Variants in RFC3 observed in about 807,000 individuals in gnomAD.
RFC3 encodes the protein replication factor C subunit 3.
RFC3 carries 41 observed loss-of-function variants against 45.1 expected under a neutral mutation model. The observed-to-expected ratio is 0.91, with a 90% CI of 0.71 to 1.18. The LOEUF (loss-of-function observed/expected upper bound fraction) is 1.18, where lower values mean the gene tolerates loss of function less well. Ranked by LOEUF, RFC3 falls within the 50% of genes most tolerant of loss-of-function variation. The pLI, the probability that RFC3 is intolerant of heterozygous loss-of-function variation, is 0.00. For synonymous variants in RFC3, 149 were observed against 144.0 expected, an observed-to-expected ratio of 1.03 and a Z score of -0.25; for missense variants, 423 against 428.1, an observed-to-expected ratio of 0.99 and a Z score of 0.10.
downstream of RFC3, among the ~76,000 whole-genome samples, chr13:33,837,751 C>T (rs1196547999): frequency 6.6e-6 from 1 of 151,960 alleles, no homozygotes; most frequent in East Asian, 1.9e-4. Context: ...CTTTTTCCCT[C>T]TACTTATTTT....
At chr13:33,835,013 A>G in intron 7 of RFC3, 135 bp from the exon 8 acceptor site, 2 of 560,828 alleles carry the variant, frequency 3.6e-6, no homozygotes, top group South Asian at 5.2e-5. Flanking sequence ...TTGTTAATTC[A>G]TAAAGTTAGG....
At chr13:33,930,521 TG>T (rs1373257173) in intron 8 of RFC3, among the ~76,000 whole-genome samples, 1 of 152,158 alleles carries the variant, frequency 6.6e-6, no homozygotes, top group East Asian at 1.9e-4. Context: ...GCTGATTAGA[TG>T]GTGCCCACCC....
chr13:33,912,609 T>C (rs2082709882), intron 8 of RFC3, among the ~76,000 whole-genome samples: 1 of 152,032 alleles, frequency 6.6e-6, no homozygotes, highest in African/African-American at 2.4e-5. Flanking sequence ...AGGGGATTCA[T>C]TCATCTCTGG....
chr13:33,883,345 T>A (rs2082498289), intron 8 of RFC3, among the ~76,000 whole-genome samples: 1 of 152,210 alleles, frequency 6.6e-6, no homozygotes, highest in Non-Finnish European at 1.5e-5. Flanking sequence ...GTTAGTTTGC[T>A]TTTCCCACTT....
intron 8 of RFC3, among the ~76,000 whole-genome samples, chr13:33,876,434 G>T (rs4943163): frequency 0.88 from 134,453 of 152,262 alleles, 59,734 homozygotes; most frequent in Non-Finnish European, 0.94. Context: ...TTGAGTGGTT[G>T]TATGAAACTC....
At chr13:33,921,289 A>G (rs1184659759) in intron 8 of RFC3, among the ~76,000 whole-genome samples, 1 of 152,144 alleles carries the variant, frequency 6.6e-6, no homozygotes, top group East Asian at 1.9e-4. Context: ...GCTCTGTAGC[A>G]CTTAGTGGCT....
chr13:33,953,753 A>G (rs1047388925), intron 8 of RFC3, among the ~76,000 whole-genome samples: 1 of 152,096 alleles, frequency 6.6e-6, no homozygotes, highest in Non-Finnish European at 1.5e-5. Flanking sequence ...CAGTTCCCTA[A>G]TTTTTCATAC....
intron 8 of RFC3, among the ~76,000 whole-genome samples, chr13:33,949,780 G>A (rs1207853757): frequency 6.6e-6 from 1 of 152,150 alleles, no homozygotes; most frequent in East Asian, 1.9e-4. Flanking sequence ...CCCTAATGGG[G>A]TTGAGCCTCA....
intron 3 of RFC3, among the ~76,000 whole-genome samples, 193 bp downstream of exon 3, chr13:33,824,177 A>G (rs1167360707): frequency 3.3e-5 from 5 of 152,148 alleles, no homozygotes; most frequent in Non-Finnish European, 5.9e-5. Flanking sequence ...CTTCTGTGTC[A>G]AATAATTTCA....
intron 8 of RFC3, among the ~76,000 whole-genome samples, chr13:33,889,675 A>G (rs1566017893): frequency 6.6e-6 from 1 of 152,158 alleles, no homozygotes; most frequent in Non-Finnish European, 1.5e-5. Context: ...GCTGACTATA[A>G]CTTTGCAACC....
chr13:33,876,579 G>C (rs1452742906), intron 8 of RFC3, among the ~76,000 whole-genome samples: 1 of 152,144 alleles, frequency 6.6e-6, no homozygotes, highest in Non-Finnish European at 1.5e-5. Context: ...GCCATAGATA[G>C]TTTATTTAAA....
intron 8 of RFC3, among the ~76,000 whole-genome samples, chr13:33,923,571 A>G (rs2082783366): frequency 1.3e-5 from 2 of 152,138 alleles, no homozygotes; most frequent in African/African-American, 2.4e-5. Flanking sequence ...GATATTGACT[A>G]GGGCTGATGC....
At chr13:33,824,979 A>G (rs901921518) in intron 3 of RFC3, among the ~76,000 whole-genome samples, 2 of 152,146 alleles carry the variant, frequency 1.3e-5, no homozygotes, top group Non-Finnish European at 2.9e-5. Flanking sequence ...ATATTGATCT[A>G]TAATAATAGT....
chr13:33,909,566 C>T (rs1294442364), intron 8 of RFC3, among the ~76,000 whole-genome samples: 1 of 151,964 alleles, frequency 6.6e-6, no homozygotes, highest in Non-Finnish European at 1.5e-5. Flanking sequence ...TCCTTCTTTA[C>T]CTCTTCCTCT....
chr13:33,967,486 C>CTTTTTTTTT (rs11393413), downstream of RFC3, among the ~76,000 whole-genome samples: 1 of 119,470 alleles, frequency 8.4e-6, no homozygotes, highest in Non-Finnish European at 1.6e-5. Context: ...ACCAGCAATT[C>CTTTTTTTTT]TTTTTTTTTT....
At chr13:33,826,541 C>T (rs559205209) in intron 4 of RFC3, among the ~76,000 whole-genome samples, 6 of 152,074 alleles carry the variant, frequency 3.9e-5, no homozygotes, top group Middle Eastern at 3.4e-3. Flanking sequence ...TTTGTGAATT[C>T]GCTGTACATA....
intron 8 of RFC3, among the ~76,000 whole-genome samples, chr13:33,860,612 C>A (rs943829842): frequency 1.3e-5 from 2 of 152,076 alleles, no homozygotes; most frequent in African/African-American, 4.8e-5. Context: ...CCGCATGTGT[C>A]CCAGGCAGCC....
In RFC3 at chr13:33,818,215, T is replaced by A; in HGVS notation, c.37T>A (p.Leu13Met). The A allele has an allele frequency of 6.2e-7, 1 of 1,613,640 alleles. No individual in the cohort carries two copies. The highest frequency in any genetic ancestry group is 8.5e-7 in the Non-Finnish European group (1 of 1,179,978). ...LWVDKYRPCS[L>M]GRLDYHKEQA... ...GGTGGACAAGTATCGGCCCTGCTCCTTGGGACGGCTGGACTATCACAAGGA... is the reference window on the plus strand; with the variant it reads ...GGTGGACAAGTATCGGCCCTGCTCCATGGGACGGCTGGACTATCACAAGGA... Residue 13 changes from leucine to methionine, a missense_variant, in exon 1 of 9, where the codon TTG (leucine) becomes ATG (methionine). Physicochemically the swap from Leu to Met is conservative, Grantham distance 15. Transcript: ENST00000380071.
intron 1 of RFC3, among the ~76,000 whole-genome samples, chr13:33,820,265 A>G (rs1376427742): frequency 6.6e-6 from 1 of 152,238 alleles, no homozygotes; most frequent in Non-Finnish European, 1.5e-5. Flanking sequence ...AAGTGCACAC[A>G]GACTGACTTC....
Sources: allele counts gnomAD v4.1 joint callset (sites outside exome capture counted in the v4.1 genomes callset), GRCh38; gene constraint gnomAD v4.1.1; transcripts MANE v1.5; gene names NCBI Gene and HGNC (gene_info 2026-07-23, HGNC 2026-07-21).